AK5: variants seen among roughly 807,000 people sequenced by gnomAD.
AK5 encodes adenylate kinase isoenzyme 5.
A neutral mutation model predicts 69.5 loss-of-function variants in AK5; 27 were observed. That is an observed-to-expected ratio of 0.39 (90% CI 0.29 to 0.54). The LOEUF (loss-of-function observed/expected upper bound fraction) is 0.54. Ranked by LOEUF, AK5 falls within the 20% of genes least tolerant of loss-of-function variation. The pLI, the probability that AK5 is intolerant of heterozygous loss-of-function variation, is 0.71. For synonymous variants in AK5, 260 were observed against 244.4 expected, an observed-to-expected ratio of 1.06 and a Z score of -0.60; for missense variants, 531 against 700.4, an observed-to-expected ratio of 0.76 and a Z score of 2.73.
chr1:77,420,410 T>C (rs1368049506), intron 8 of AK5: 1 of 152,118 alleles, frequency 6.6e-6, no homozygotes, highest in East Asian at 1.9e-4. Flanking sequence ...TTTAAAAAAT[T>C]AAAAAGTGAA....
At chr1:77,299,995 A>C (rs1659242718) in intron 5 of AK5, among the ~76,000 whole-genome samples, 1 of 152,214 alleles carries the variant, frequency 6.6e-6, no homozygotes, top group South Asian at 2.1e-4. Context: ...GTCCAATCTA[A>C]ATCAAAACTT....
At chr1:77,534,966 G>A (rs1377439584) in intron 12 of AK5, among the ~76,000 whole-genome samples, 2 of 152,200 alleles carry the variant, frequency 1.3e-5, no homozygotes, top group African/African-American at 4.8e-5. Context: ...GACAGTGGCT[G>A]GGGCTGAGAT....
chr1:77,475,425 T>TATG (rs1553154948), intron 8 of AK5, among the ~76,000 whole-genome samples: 1 of 2,650 alleles, frequency 3.8e-4, no homozygotes, highest in Non-Finnish European at 1.1e-3. Context: ...ATACTATATA[T>TATG]TATATATATG....
intron 10 of AK5, among the ~76,000 whole-genome samples, chr1:77,488,818 C>T (rs1655775524): frequency 6.6e-6 from 1 of 152,144 alleles, no homozygotes; most frequent in Non-Finnish European, 1.5e-5. Flanking sequence ...TTCCTCAGAC[C>T]ACTGACTCAA....
chr1:77,528,003 G>A (rs1486362453), intron 12 of AK5, among the ~76,000 whole-genome samples: 4 of 152,216 alleles, frequency 2.6e-5, no homozygotes, highest in African/African-American at 9.6e-5. Flanking sequence ...AGGTTGCAGT[G>A]AGCCAAGATC....
At chr1:77,453,476 T>C (rs1653283470) in intron 8 of AK5, among the ~76,000 whole-genome samples, 1 of 152,242 alleles carries the variant, frequency 6.6e-6, no homozygotes, top group African/African-American at 2.4e-5. Flanking sequence ...TGCAGTATAG[T>C]ATTCCAATGT....
At chr1:77,430,064 A>G (rs1272732512) in intron 8 of AK5, among the ~76,000 whole-genome samples, 1 of 151,654 alleles carries the variant, frequency 6.6e-6, no homozygotes, top group Non-Finnish European at 1.5e-5. Flanking sequence ...ATTTGTGTTT[A>G]TTTTTTAAAA....
chr1:77,309,907 G>A (rs758381551), intron 5 of AK5, among the ~76,000 whole-genome samples: 1 of 151,762 alleles, frequency 6.6e-6, no homozygotes, highest in Non-Finnish European at 1.5e-5. Context: ...TTTTTTCTCA[G>A]TCATGTTCGA....
chr1:77,499,871 T>TC (rs1656601925), intron 10 of AK5, among the ~76,000 whole-genome samples: 1 of 23,800 alleles, frequency 4.2e-5, no homozygotes, highest in African/African-American at 3.2e-4. Flanking sequence ...CCTTTTTCCA[T>TC]TTTTTTTTTT....
chr1:77,427,010 T>G (rs1290137216), intron 8 of AK5, among the ~76,000 whole-genome samples: 1 of 152,118 alleles, frequency 6.6e-6, no homozygotes, highest in Non-Finnish European at 1.5e-5. Flanking sequence ...TACAATTGAA[T>G]GGATATATTT....
chr1:77,355,506 G>A lies in AK5; in HGVS notation c.891+14938G>A, dbSNP rs527514133. ...CAAAATGGCATTCTCTGCAGCTAAG[G>A]ACTTTTCCCTCTCCCTGCAGTCCTG... On this transcript the variant is annotated intron_variant, in intron 6 of 13. Coordinates refer to ENST00000354567, the MANE Select transcript of AK5 (RefSeq NM_174858.3). 3.3e-5 allele frequency among the ~76,000 whole-genome samples: 5 copies of A among 152,154 alleles called. No homozygotes were observed. The South Asian group carries it at 8.3e-4, about 25-fold the overall frequency.
chr1:77,390,667 G>C (rs1557553117), intron 6 of AK5, among the ~76,000 whole-genome samples: 1 of 152,120 alleles, frequency 6.6e-6, no homozygotes, highest in Non-Finnish European at 1.5e-5. Context: ...TTTCAACTTT[G>C]GAAGAACATA....
intron 10 of AK5, among the ~76,000 whole-genome samples, chr1:77,487,941 A>G (rs1655704323): frequency 6.6e-6 from 1 of 152,202 alleles, no homozygotes; most frequent in Admixed American, 6.5e-5. Flanking sequence ...AAGTATTAGG[A>G]AGGAACCAAA....
chr1:77,498,280 G>A (rs1209310064), intron 10 of AK5, among the ~76,000 whole-genome samples: 2 of 152,160 alleles, frequency 1.3e-5, no homozygotes, highest in Non-Finnish European at 2.9e-5. Flanking sequence ...AATGGGAAGG[G>A]GTAAAGCCAG....
chr1:77,423,077 C>T (rs745359819), intron 8 of AK5, among the ~76,000 whole-genome samples: 2 of 151,808 alleles, frequency 1.3e-5, no homozygotes, highest in East Asian at 1.9e-4. Context: ...AAAAATTAGC[C>T]GGGCGTGGTG....
chr1:77,461,084 A>T (rs1653805996), intron 8 of AK5, among the ~76,000 whole-genome samples: 1 of 142,356 alleles, frequency 7.0e-6, no homozygotes, highest in Non-Finnish European at 1.5e-5. Context: ...CCCAGGCTGG[A>T]CTGCAGTGGT....
At position 77,443,085 on chromosome 1, in the gene AK5, C is replaced by T. The variant is rs554699518; in HGVS notation, c.1059+25370C>T. Among the ~76,000 whole-genome samples the T allele has an allele frequency of 3.3e-5, 5 of 152,266 alleles. No homozygotes were observed. The East Asian group carries it at 9.6e-4, about 29-fold the overall frequency. ...TAAAATTAAATTCTGCATCTTCTGA[C>T]TTGAGATCTTCTGTAATAATTAAAC... On this transcript the variant is annotated intron_variant, in intron 8 of 13. Coordinates refer to ENST00000354567, the MANE Select transcript of AK5 (RefSeq NM_174858.3).
At chr1:77,339,913 C>G (rs1352775397) in intron 5 of AK5, among the ~76,000 whole-genome samples, 1 of 152,012 alleles carries the variant, frequency 6.6e-6, no homozygotes, top group Non-Finnish European at 1.5e-5. Context: ...AGCCACCACG[C>G]CCAGCCAGCA....
intron 8 of AK5, among the ~76,000 whole-genome samples, chr1:77,443,677 C>CTCTG (rs1553151368): frequency 7.5e-6 from 1 of 134,042 alleles, no homozygotes; most frequent in Admixed American, 7.5e-5. Flanking sequence ...TGTGGGGAGT[C>CTCTG]TGTGTGTGTG....
Sources: gnomAD v4.1 joint callset for allele counts (sites outside exome capture counted in the v4.1 genomes callset) on GRCh38, gnomAD v4.1.1 for gene constraint, MANE v1.5 for transcripts, NCBI Gene and HGNC (gene_info 2026-07-23, HGNC 2026-07-21) for gene names.